MOB4: variants seen among roughly 807,000 people sequenced by gnomAD.
The protein encoded by MOB4 is MOB family member 4, phocein.
A neutral mutation model predicts 32.2 loss-of-function variants in MOB4; 4 were observed. That is an observed-to-expected ratio of 0.12 (90% confidence interval 0.06 to 0.28). MOB4 has a LOEUF of 0.28. MOB4 is among the 10% of genes least tolerant of loss of function. MOB4 has a pLI of 1.00. For synonymous variants in MOB4, 88 were observed against 88.1 expected, an observed-to-expected ratio of 1.00 and a Z score of 0.01; for missense variants, 158 against 271.2, an observed-to-expected ratio of 0.58 and a Z score of 2.93.
intron 1 of MOB4, chr2:197,516,440 C>T (rs1574618629): frequency 5.6e-6 from 7 of 1,260,050 alleles, no homozygotes; most frequent in Admixed American, 3.1e-5. Context: ...GCAACGGCTT[C>T]TTCTCGCCTT....
chr2:197,541,655 C>T (rs902045222), intron 5 of MOB4, among the ~76,000 whole-genome samples: 22 of 152,206 alleles, frequency 1.4e-4, no homozygotes, highest in Non-Finnish European at 2.9e-4. Flanking sequence ...CGCGGTGGCT[C>T]ACGCCTGTAA....
At chr2:197,537,313 G>A (rs1486487629) in intron 3 of MOB4, among the ~76,000 whole-genome samples, 2 of 152,184 alleles carry the variant, frequency 1.3e-5, no homozygotes, top group East Asian at 3.8e-4. Context: ...GCAAATGGGA[G>A]CTGGGATGAG....
chr2:197,517,463 G>C (rs2086434635), intron 1 of MOB4, among the ~76,000 whole-genome samples: 1 of 151,984 alleles, frequency 6.6e-6, no homozygotes, highest in African/African-American at 2.4e-5. Context: ...ATCTTATTCT[G>C]TGGAAACATT....
chr2:197,540,514 T>C (rs2086878663), intron 5 of MOB4, 77 bp downstream of exon 5: 3 of 1,330,536 alleles, frequency 2.3e-6, no homozygotes, highest in Non-Finnish European at 3.0e-6. Context: ...TAGACAAGTT[T>C]TTAGGGTTTT....
chr2:197,518,386 C>T (rs2086453482), intron 1 of MOB4, among the ~76,000 whole-genome samples: 2 of 151,996 alleles, frequency 1.3e-5, no homozygotes, highest in African/African-American at 4.8e-5. Context: ...TCTTCTGCCT[C>T]AGCCTCCCGA....
chr2:197,516,331 A>G lies in MOB4; in HGVS notation c.60+185A>G, dbSNP rs2106096658. On this transcript the variant is annotated intron_variant, in intron 1 of 7. Transcript: ENST00000323303. ...GGCTGAGGCGGTGGCGGCCGCCGTG[A>G]GGCCTGCGGAGCTCCGACCCAGGGG... 2.8e-6 allele frequency: 4 copies of G among 1,422,472 alleles called. No individual in the cohort carries two copies. In the Admixed American group the frequency reaches 9.3e-5, roughly 33 times the overall value. 88.1% of individuals were successfully genotyped at this position (1,422,472 alleles called of 1,614,324 possible).
chr2:197,525,015 G>A (rs553555393), intron 2 of MOB4, among the ~76,000 whole-genome samples: 2 of 152,160 alleles, frequency 1.3e-5, no homozygotes, highest in African/African-American at 4.8e-5. Flanking sequence ...ACCATAAATC[G>A]AGGCTGTTTG....
At chr2:197,521,327 A>G (rs1368699136) in intron 1 of MOB4, among the ~76,000 whole-genome samples, 1 of 152,218 alleles carries the variant, frequency 6.6e-6, no homozygotes, top group Non-Finnish European at 1.5e-5. Context: ...GAGTGTACAA[A>G]TAGGGTGTGG....
chr2:197,546,690 A>G (rs55834477), intron 5 of MOB4, among the ~76,000 whole-genome samples: 2,752 of 152,238 alleles, frequency 0.018, 83 homozygotes, highest in African/African-American at 0.064. Context: ...GTGAGCCACC[A>G]CATTGGGCCT....
chr2:197,541,207 A>G (rs2086890645), intron 5 of MOB4, among the ~76,000 whole-genome samples: 1 of 151,966 alleles, frequency 6.6e-6, no homozygotes, highest in Non-Finnish European at 1.5e-5. Flanking sequence ...GGCCTACTGT[A>G]CTTTTTCTTA....
rs879156594 is a variant in MOB4, at chr2:197,550,821, A to G, written c.*175A>G. 1 of 658,276 alleles carries G rather than the reference A, an allele frequency of 1.5e-6. No individual in the cohort carries two copies. Among genetic ancestry groups the G allele is most frequent in the South Asian group, 4.3e-5 (1 of 23,126 alleles). The allele number at this position is 658,276 out of a possible 1,614,324, so 40.8% of individuals were successfully genotyped here. A position where few individuals can be genotyped will look rare whatever the true frequency, so the allele number is the denominator to read the frequency against. Reference sequence around the variant, plus strand: ...ACTTTTTAAGTTATTCATAAGCTGTATATTCACCAGTGTGGCACTCATGGT... The same window carrying G: ...ACTTTTTAAGTTATTCATAAGCTGTGTATTCACCAGTGTGGCACTCATGGT... On this transcript the variant is annotated 3_prime_UTR_variant, in exon 8 of 8. Coordinates refer to ENST00000323303, the MANE Select transcript of MOB4 (RefSeq NM_015387.5).
intron 3 of MOB4, among the ~76,000 whole-genome samples, chr2:197,536,818 G>A (rs899862260): frequency 1.3e-5 from 2 of 151,582 alleles, no homozygotes; most frequent in Middle Eastern, 3.4e-3. Flanking sequence ...GGCTGGTCTC[G>A]AACTCCTGAC....
chr2:197,529,372 GAT>G (rs1299261772), intron 2 of MOB4, among the ~76,000 whole-genome samples: 1 of 151,274 alleles, frequency 6.6e-6, no homozygotes, highest in Non-Finnish European at 1.5e-5. Flanking sequence ...ATTTTTTTGA[GAT>G]AGAGTCTCGC....
At position 197,540,345 on chromosome 2, in the gene MOB4, T is replaced by G; in HGVS notation, c.268-6T>G. On this transcript the variant is annotated splice_region_variant and splice_polypyrimidine_tract_variant and intron_variant, in intron 4 of 7. Coordinates refer to ENST00000323303, the MANE Select transcript of MOB4 (RefSeq NM_015387.5). The stretch of plus-strand genomic sequence containing the variant: ...ACATATTAAGAAATATAATTATTTT[T>G]AACAGAGTGAATGCCATCCAGATAC... 1 of 1,554,192 alleles carries G rather than the reference T, an allele frequency of 6.4e-7. No homozygotes were observed. The highest frequency in any genetic ancestry group is 2.3e-5 in the East Asian group (1 of 43,624).
In MOB4 at chr2:197,548,317, T is replaced by C. The variant is rs372361515; in HGVS notation, c.355-19T>C. The C allele has an allele frequency of 9.8e-5, 157 of 1,596,988 alleles. No homozygotes were observed. In the African/African-American group the frequency reaches 1.6e-3, roughly 16 times the overall value. On this transcript the variant is annotated intron_variant, in intron 5 of 7. Transcript: ENST00000323303. ...AGAGAGCTCTTTGTTGATGCATTTCTATATTCTTTCTTTTGTAGTGTCCTG... is the reference window on the plus strand; with the variant it reads ...AGAGAGCTCTTTGTTGATGCATTTCCATATTCTTTCTTTTGTAGTGTCCTG...
intron 6 of MOB4, among the ~76,000 whole-genome samples, chr2:197,549,183 G>A (rs1273529842): frequency 3.9e-5 from 6 of 151,952 alleles, no homozygotes; most frequent in Non-Finnish European, 5.9e-5. Flanking sequence ...AGCCGAGATC[G>A]CGCCATTGCA....
At chr2:197,547,332 TC>T (rs1179743509) in intron 5 of MOB4, among the ~76,000 whole-genome samples, 1 of 152,196 alleles carries the variant, frequency 6.6e-6, no homozygotes, top group Non-Finnish European at 1.5e-5. Context: ...TAAAACTGTC[TC>T]ATGGTATACC....
Position 197,550,823 on chromosome 2 carries a change from A to G in MOB4, c.*177A>G. 1.6e-6 allele frequency: 1 copy of G among 629,820 alleles called. No individual in the cohort carries two copies. Among genetic ancestry groups the G allele is most frequent in the Non-Finnish European group, 2.3e-6 (1 of 432,186 alleles). 39.0% of individuals were successfully genotyped at this position (629,820 alleles called of 1,614,324 possible). On this transcript the variant is annotated 3_prime_UTR_variant, in exon 8 of 8. Coordinates refer to ENST00000323303, the MANE Select transcript of MOB4 (RefSeq NM_015387.5). ...TTTTTAAGTTATTCATAAGCTGTAT[A>G]TTCACCAGTGTGGCACTCATGGTTT...
At chr2:197,534,017 T>C (rs2086754001) in intron 2 of MOB4, 1 of 476,306 alleles carries the variant, frequency 2.1e-6, no homozygotes, top group African/African-American at 2.0e-5. Context: ...TCAAGGTCAC[T>C]ATCATGTCAC....
Sources: allele counts gnomAD v4.1 joint callset (sites outside exome capture counted in the v4.1 genomes callset), GRCh38; gene constraint gnomAD v4.1.1; transcripts MANE v1.5; gene names NCBI Gene and HGNC (gene_info 2026-07-23, HGNC 2026-07-21).